Variants in PPM1B observed in about 807,000 individuals in gnomAD.
The protein encoded by PPM1B is protein phosphatase 1B.
A neutral mutation model predicts 43.0 loss-of-function variants in PPM1B; 22 were observed. The observed-to-expected ratio is 0.51, with a 90% CI of 0.37 to 0.73. The LOEUF is 0.73. PPM1B is among the 30% of genes least tolerant of loss of function. The pLI is 0.00. For synonymous variants in PPM1B, 217 were observed against 197.9 expected, an observed-to-expected ratio of 1.10 and a Z score of -0.81; for missense variants, 632 against 584.2, an observed-to-expected ratio of 1.08 and a Z score of -0.84.
At chr2:44,236,395 TC>T (rs1437728184), downstream of PPM1B, among the ~76,000 whole-genome samples, 1 of 26,056 alleles carries the variant, frequency 3.8e-5, no homozygotes, top group African/African-American at 9.9e-5. Flanking sequence ...AGAGGGAGAC[TC>T]CGTCTCAAAA....
intron 2 of PPM1B, among the ~76,000 whole-genome samples, chr2:44,207,035 G>C (rs1483802978): frequency 6.6e-6 from 1 of 152,136 alleles, no homozygotes; most frequent in African/African-American, 2.4e-5. Context: ...GGCCAATTTG[G>C]AAATGGTTTT....
downstream of PPM1B, chr2:44,234,059 CAG>C (rs1372587275): frequency 1.0e-6 from 1 of 969,450 alleles, no homozygotes; most frequent in Non-Finnish European, 1.2e-6. Flanking sequence ...TTGATAAAAA[CAG>C]TGTGACATAT....
In PPM1B at chr2:44,202,004, G is replaced by C; in HGVS notation, c.805G>C (p.Glu269Gln). ...KSRLEVSDDL[E>Q]NVCNWVVDTC... ...TAGGCTTGAGGTATCTGATGACCTG[G>C]AAAATGTGTGCAATTGGGTAGTGGA... The change falls in exon 2 of 6, where the codon GAA (glutamate) becomes CAA (glutamine). Residue 269 changes from glutamate to glutamine, a missense_variant. By Grantham distance (29) the Glu-to-Gln change is conservative. Around this residue, in one of 3 missense-constraint regions of PPM1B, gnomAD observed 392 missense variants for 302.7 expected, o/e 1.29. Coordinates refer to ENST00000282412, the MANE Select transcript of PPM1B (RefSeq NM_002706.6). 6.2e-7 allele frequency: 1 copy of C among 1,609,382 alleles called. No homozygotes were observed. Among genetic ancestry groups the C allele is most frequent in the South Asian group, 1.1e-5 (1 of 90,252 alleles).
At chr2:44,230,050 T>G (rs1670400959) in intron 5 of PPM1B, 3 of 1,569,872 alleles carry the variant, frequency 1.9e-6, no homozygotes, top group Admixed American at 1.9e-5. Flanking sequence ...TCCTACTGCT[T>G]TAAACATTGA....
chr2:44,183,712 G>T (rs1188535459), intron 1 of PPM1B, among the ~76,000 whole-genome samples: 1 of 152,124 alleles, frequency 6.6e-6, no homozygotes, highest in Non-Finnish European at 1.5e-5. Context: ...CTTTGGAATT[G>T]GACTGCATGA....
intron 5 of PPM1B, among the ~76,000 whole-genome samples, chr2:44,228,329 G>C (rs1670316780): frequency 6.6e-6 from 1 of 151,488 alleles, no homozygotes; most frequent in South Asian, 2.1e-4. Flanking sequence ...TTGGGACTAT[G>C]GGCGTGTTCC....
At chr2:44,170,125 C>T (rs764663840) in intron 1 of PPM1B, among the ~76,000 whole-genome samples, 4 of 152,158 alleles carry the variant, frequency 2.6e-5, no homozygotes, top group African/African-American at 7.2e-5. Flanking sequence ...CTTGCATGAC[C>T]TCTCATATCA....
downstream of PPM1B, among the ~76,000 whole-genome samples, chr2:44,236,402 C>CAAAAAAAAAAA (rs61414038): frequency 6.5e-3 from 308 of 47,486 alleles, 43 homozygotes; most frequent in African/African-American, 0.014. Context: ...GACTCCGTCT[C>CAAAAAAAAAAA]AAAAAAAAAA....
chr2:44,171,242 A>C (rs1430216385), intron 1 of PPM1B, among the ~76,000 whole-genome samples: 1 of 152,172 alleles, frequency 6.6e-6, no homozygotes, highest in Admixed American at 6.5e-5. Context: ...CTTTCAATTT[A>C]GTCATGTCAG....
chr2:44,206,706 G>A (rs1669207394), intron 2 of PPM1B, among the ~76,000 whole-genome samples: 1 of 151,722 alleles, frequency 6.6e-6, no homozygotes, highest in South Asian at 2.1e-4. Flanking sequence ...GCTTTATAAA[G>A]TGTAATTATG....
At chr2:44,180,607 T>A (rs952289026) in intron 1 of PPM1B, among the ~76,000 whole-genome samples, 1 of 152,174 alleles carries the variant, frequency 6.6e-6, no homozygotes, top group South Asian at 2.1e-4. Flanking sequence ...AGGATCTTTT[T>A]AAATTACTTT....
At chr2:44,202,547 T>C (rs573445563) in intron 2 of PPM1B, among the ~76,000 whole-genome samples, 2 of 152,336 alleles carry the variant, frequency 1.3e-5, no homozygotes, top group African/African-American at 4.8e-5. Context: ...TCTCATTGTC[T>C]TCTAAAAGCA....
chr2:44,212,068 G>A (rs1389672964), intron 3 of PPM1B, among the ~76,000 whole-genome samples: 3 of 152,066 alleles, frequency 2.0e-5, no homozygotes, highest in Non-Finnish European at 4.4e-5. Context: ...CTTTTTATAT[G>A]TATTAGCATT....
chr2:44,218,799 T>A, intron 5 of PPM1B: 1 of 452,966 alleles, frequency 2.2e-6, no homozygotes, highest in Non-Finnish European at 4.2e-6. Flanking sequence ...TTATTTCTTC[T>A]CTATATGTCT....
chr2:44,199,718 A>C (rs1049060666), intron 1 of PPM1B, among the ~76,000 whole-genome samples: 1 of 152,218 alleles, frequency 6.6e-6, no homozygotes, highest in African/African-American at 2.4e-5. Flanking sequence ...TTCTACTGAT[A>C]GAATGAAAAA....
Position 44,172,236 on chromosome 2 carries a change from G to C in PPM1B, c.-15+2962G>C, listed in dbSNP as rs1366180014. Among the ~76,000 whole-genome samples, 3 of 152,218 alleles carry C rather than the reference G, an allele frequency of 2.0e-5. No homozygotes were observed. In the East Asian group the frequency reaches 5.8e-4, roughly 29 times the overall value. On this transcript the variant is annotated intron_variant, in intron 1 of 5. Transcript: ENST00000282412. The stretch of plus-strand genomic sequence containing the variant: ...TTTTTCCCTTGCTGAATTAATTTCA[G>C]AATTGGAATGAAATGGAATACTGCT...
intron 5 of PPM1B, among the ~76,000 whole-genome samples, chr2:44,220,448 G>A (rs958512959): frequency 1.3e-5 from 2 of 152,046 alleles, no homozygotes; most frequent in African/African-American, 2.4e-5. Flanking sequence ...TGAAACTGGG[G>A]GGAAATGCTC....
chr2:44,230,254 AATTG>A, intron 5 of PPM1B, 155 bp from the exon 6 acceptor site: 6 of 1,438,340 alleles, frequency 4.2e-6, no homozygotes, highest in Non-Finnish European at 5.5e-6. Flanking sequence ...AGTTTTTATT[AATTG>A]ATACAGGTAA....
intron 2 of PPM1B, among the ~76,000 whole-genome samples, chr2:44,204,979 CGAG>C (rs1380768764): frequency 3.3e-5 from 5 of 150,730 alleles, no homozygotes; most frequent in African/African-American, 7.3e-5. Flanking sequence ...GTATTTAACT[CGAG>C]GGGAGAATGG....
Sources: gnomAD v4.1 joint callset for allele counts (sites outside exome capture counted in the v4.1 genomes callset) on GRCh38, gnomAD v4.1.1 for gene constraint, gnomAD v4.1.1 regional missense constraint, MANE v1.5 for transcripts, NCBI Gene and HGNC (gene_info 2026-07-23, HGNC 2026-07-21) for gene names.